ASIC2: variants seen among roughly 807,000 people sequenced by gnomAD.
The protein encoded by ASIC2 is acid-sensing ion channel 2.
ASIC2 carries 25 observed loss-of-function variants against 57.3 expected under a neutral mutation model. The observed-to-expected ratio is 0.44, with a 90% CI of 0.32 to 0.61. The LOEUF (loss-of-function observed/expected upper bound fraction) is 0.61, where lower values mean the gene tolerates loss of function less well. Among genes scored for constraint, ASIC2 ranks in the 20% least tolerant of loss-of-function variants. ASIC2 has a pLI of 0.06. For missense variants in ASIC2, 641 were observed against 738.1 expected (o/e 0.87, Z 1.52); for synonymous variants, 319 against 307.5 (o/e 1.04, Z -0.39).
At chr17:34,134,537 G>A (rs990629930) in intron 1 of ASIC2, among the ~76,000 whole-genome samples, 4 of 152,234 alleles carry the variant, frequency 2.6e-5, no homozygotes, top group African/African-American at 9.6e-5. Context: ...AGCCATCGTA[G>A]AGATGAGGCT....
At chr17:33,884,017 G>A (rs975529962) in intron 1 of ASIC2, among the ~76,000 whole-genome samples, 4 of 152,164 alleles carry the variant, frequency 2.6e-5, no homozygotes, top group East Asian at 1.9e-4. Flanking sequence ...GTGTAGCCAC[G>A]AGACTATATA....
At chr17:33,487,569 G>T (rs1166593313) in intron 1 of ASIC2, among the ~76,000 whole-genome samples, 5 of 152,218 alleles carry the variant, frequency 3.3e-5, no homozygotes, top group Non-Finnish European at 7.3e-5. Flanking sequence ...TTAATATTGA[G>T]TGTCAACTTG....
chr17:33,286,698 T>C (rs1445342649), intron 1 of ASIC2, among the ~76,000 whole-genome samples: 5 of 152,214 alleles, frequency 3.3e-5, no homozygotes, highest in Non-Finnish European at 7.3e-5. Context: ...TTAGCTGAGA[T>C]ACCACCTCCT....
At chr17:33,961,500 T>G (rs996538208) in intron 1 of ASIC2, among the ~76,000 whole-genome samples, 2 of 152,210 alleles carry the variant, frequency 1.3e-5, no homozygotes, top group African/African-American at 2.4e-5. Flanking sequence ...TCCACCTGGC[T>G]GAAGCTGAGC....
intron 1 of ASIC2, among the ~76,000 whole-genome samples, chr17:33,235,206 T>C (rs1259974188): frequency 2.0e-5 from 3 of 152,150 alleles, no homozygotes; most frequent in Admixed American, 6.5e-5. Flanking sequence ...AATAACCATA[T>C]ACAAAAGCAA....
intron 1 of ASIC2, among the ~76,000 whole-genome samples, chr17:33,133,014 C>T (rs1315058251): frequency 2.0e-5 from 3 of 152,212 alleles, no homozygotes; most frequent in African/African-American, 4.8e-5. Flanking sequence ...TGTATAGTCT[C>T]TTCTGAGGGT....
chr17:33,739,810 AAGAG>A (rs1484121933), intron 1 of ASIC2, among the ~76,000 whole-genome samples: 6 of 151,834 alleles, frequency 4.0e-5, no homozygotes, highest in Non-Finnish European at 7.4e-5. Flanking sequence ...GAAAGAAAGA[AAGAG>A]AGAAAGAAAG....
chr17:34,016,646 ATG>A (rs943570294), intron 1 of ASIC2, among the ~76,000 whole-genome samples: 9 of 152,154 alleles, frequency 5.9e-5, no homozygotes, highest in African/African-American at 2.2e-4. Flanking sequence ...ATAGATATGC[ATG>A]TGTGTGTGTA....
At chr17:33,439,905 G>A (rs947116294) in intron 1 of ASIC2, among the ~76,000 whole-genome samples, 3 of 152,214 alleles carry the variant, frequency 2.0e-5, no homozygotes, top group Non-Finnish European at 2.9e-5. Context: ...AGATGCGAGC[G>A]TGCATGCAAG....
At position 33,649,872 on chromosome 17, in the gene ASIC2, A is replaced by G. The variant is rs192527616; in HGVS notation, c.555+506106T>C. On this transcript the variant is annotated intron_variant, in intron 1 of 9. Transcript: ENST00000359872. ...AGCCTTACTTTAACTATTAACTCAA[A>G]GTGGATCAGAGACTTTTGTATAAAT... 5.9e-5 allele frequency among the ~76,000 whole-genome samples: 9 copies of G among 152,340 alleles called. No individual in the cohort carries two copies. The East Asian group carries it at 1.7e-3, about 29-fold the overall frequency.
intron 1 of ASIC2, among the ~76,000 whole-genome samples, chr17:33,883,448 G>A (rs1234399766): frequency 6.6e-6 from 1 of 152,150 alleles, no homozygotes; most frequent in Non-Finnish European, 1.5e-5. Flanking sequence ...AGAAGATTGA[G>A]TCAAAGCAAA....
At chr17:33,773,717 C>T (rs1219282623) in intron 1 of ASIC2, among the ~76,000 whole-genome samples, 4 of 148,922 alleles carry the variant, frequency 2.7e-5, no homozygotes, top group Non-Finnish European at 4.4e-5. Flanking sequence ...TGCAGTGGTG[C>T]AATCATGACT....
chr17:33,311,428 CTGTGTGTG>C lies in ASIC2; in HGVS notation c.556-199369_556-199362del, dbSNP rs34323667. ...TATGTGTGTGTGTCTGTCTGTCTAT[CTGTGTGTG>C]TGTGTGTGTGTGTGTGTGTGTAGAT... On this transcript the variant is annotated intron_variant, in intron 1 of 9. Transcript: ENST00000359872. Among the ~76,000 whole-genome samples, 245 of 148,146 alleles carry C rather than the reference CTGTGTGTG, an allele frequency of 1.7e-3. 1 individual carries two copies. Among genetic ancestry groups the C allele is most frequent in the African/African-American group, 5.6e-3 (226 of 40,408 alleles).
intron 1 of ASIC2, among the ~76,000 whole-genome samples, chr17:33,838,802 C>G (rs1913344994): frequency 6.6e-6 from 1 of 152,138 alleles, no homozygotes; most frequent in Non-Finnish European, 1.5e-5. Context: ...CCAACCCAAC[C>G]AAATGTTATA....
Position 33,172,356 on chromosome 17 carries a change from C to G in ASIC2, c.709-60289G>C, listed in dbSNP as rs1905555184. Among the ~76,000 whole-genome samples the G allele has an allele frequency of 2.0e-5, 3 of 152,226 alleles. No individual in the cohort carries two copies. The South Asian group carries it at 6.2e-4, about 31-fold the overall frequency. ...GAGCCATGAAAATCCACAGTCCCCACCCCTGCCACAGGTAGCAGATGGCTA... is the reference window on the plus strand; with the variant it reads ...GAGCCATGAAAATCCACAGTCCCCAGCCCTGCCACAGGTAGCAGATGGCTA... On this transcript the variant is annotated intron_variant, in intron 1 of 9. Coordinates refer to ENST00000225823, the MANE Select transcript of ASIC2 (RefSeq NM_183377.2).
intron 1 of ASIC2, among the ~76,000 whole-genome samples, chr17:33,677,559 G>A (rs2142055363): frequency 6.6e-6 from 1 of 152,274 alleles, no homozygotes. Flanking sequence ...TGTGACTGAT[G>A]GGAGAAGATC....
At chr17:34,092,134 A>C (rs550325053) in intron 1 of ASIC2, among the ~76,000 whole-genome samples, 1 of 152,090 alleles carries the variant, frequency 6.6e-6, no homozygotes, top group Non-Finnish European at 1.5e-5. Flanking sequence ...ACACCAGTAC[A>C]CCCCCAAAAT....
chr17:33,712,794 C>T (rs1008286127), intron 1 of ASIC2, among the ~76,000 whole-genome samples: 15 of 151,084 alleles, frequency 9.9e-5, no homozygotes, highest in South Asian at 6.4e-4. Flanking sequence ...TACAGGCGCC[C>T]GCCACTACGC....
At chr17:33,506,412 CAAA>C (rs71144886) in intron 1 of ASIC2, among the ~76,000 whole-genome samples, 2 of 66,858 alleles carry the variant, frequency 3.0e-5, no homozygotes, top group African/African-American at 5.1e-5. Flanking sequence ...GACTCCGTCT[CAAA>C]AAAAAAAAAA....
Sources: allele counts gnomAD v4.1 joint callset (sites outside exome capture counted in the v4.1 genomes callset), GRCh38; gene constraint gnomAD v4.1.1; transcripts MANE v1.5; gene names NCBI Gene and HGNC (gene_info 2026-07-23, HGNC 2026-07-21).